The following MARCHF6 variants were observed in gnomAD, a reference collection of about 807,000 sequenced individuals.
The protein encoded by MARCHF6 is membrane associated ring-CH-type finger 6, also known as E3 ubiquitin-protein ligase MARCHF6.
A neutral mutation model predicts 133.7 loss-of-function variants in MARCHF6; 31 were observed. That is an observed-to-expected ratio of 0.23 (90% CI 0.17 to 0.31). The LOEUF (loss-of-function observed/expected upper bound fraction) is 0.31. Among genes scored for constraint, MARCHF6 ranks in the 10% least tolerant of loss-of-function variants. The pLI is 1.00. For missense variants in MARCHF6, 723 were observed against 1,121.6 expected, an observed-to-expected ratio of 0.64 and a Z score of 5.08; for synonymous variants, 395 against 402.5, an observed-to-expected ratio of 0.98 and a Z score of 0.22.
At chr5:10,396,031 G>A (rs1332421118) in intron 9 of MARCHF6, among the ~76,000 whole-genome samples, 1 of 152,174 alleles carries the variant, frequency 6.6e-6, no homozygotes, top group African/African-American at 2.4e-5. Flanking sequence ...TTGAGGTAGT[G>A]GTGGTGACTC....
intron 17 of MARCHF6, among the ~76,000 whole-genome samples, chr5:10,407,676 A>C (rs978656990): frequency 6.6e-6 from 1 of 152,200 alleles, no homozygotes; most frequent in African/African-American, 2.4e-5. Flanking sequence ...GGCTAAGGCC[A>C]GGCGTGGTGG....
intron 11 of MARCHF6, 174 bp downstream of exon 11, chr5:10,401,016 T>C: frequency 1.8e-6 from 1 of 546,346 alleles, no homozygotes; most frequent in Non-Finnish European, 3.2e-6. Context: ...CAAGAGATAG[T>C]GGTCATGTTG....
rs1458946572 is a variant in MARCHF6, at chr5:10,379,884, GC to G, written c.190+1053del. On this transcript the variant is annotated intron_variant, in intron 3 of 25. Transcript: ENST00000274140. ...GCTTCCCAAAGTGTTGGGATTACAGGCTTGAGCCACATTGCTTGGCCAAACA... is the reference window on the plus strand; with the variant it reads ...GCTTCCCAAAGTGTTGGGATTACAGGTTGAGCCACATTGCTTGGCCAAACA... Among the ~76,000 whole-genome samples, 11 of 152,228 alleles carry G rather than the reference GC, an allele frequency of 7.2e-5. No homozygotes were observed. In the East Asian group the frequency reaches 2.1e-3, roughly 29 times the overall value.
At chr5:10,408,854 A>G (rs1347182563) in intron 17 of MARCHF6, among the ~76,000 whole-genome samples, 1 of 152,192 alleles carries the variant, frequency 6.6e-6, no homozygotes, top group African/African-American at 2.4e-5. Context: ...TCCATCCTTT[A>G]AAATTGTCTT....
In MARCHF6 at chr5:10,402,124, A is replaced by G; in HGVS notation, c.1038A>G (p.Thr346=). ...TTGGGTATATACTTTTAGCAATAAC[A>G]CTGATAATTTGTCATGTATCCTTTA... ...TIVGYILLAI[T]LIICHGLATL... is the part of the protein sequence containing the mutation. Residue 346 remains threonine (T), a synonymous_variant, in exon 12 of 26, where the codon ACA becomes ACG. Transcript: ENST00000274140. 1 of 1,602,274 alleles carries G rather than the reference A, an allele frequency of 6.2e-7. No individual in the cohort carries two copies. The highest frequency in any genetic ancestry group is 1.7e-5 in the Admixed American group (1 of 59,384).
At chr5:10,384,230 A>G (rs946118738) in intron 4 of MARCHF6, among the ~76,000 whole-genome samples, 1 of 152,344 alleles carries the variant, frequency 6.6e-6, no homozygotes, top group African/African-American at 2.4e-5. Flanking sequence ...GCATAAAACA[A>G]AATATTAGTA....
At chr5:10,355,738 G>A (rs947688329) in intron 1 of MARCHF6, among the ~76,000 whole-genome samples, 3 of 152,186 alleles carry the variant, frequency 2.0e-5, no homozygotes, top group Admixed American at 6.5e-5. Context: ...TACAGATGAG[G>A]AAACTGATGG....
intron 1 of MARCHF6, among the ~76,000 whole-genome samples, chr5:10,360,144 G>GTTTTTTTTTTT (rs1164778520): frequency 1.3e-5 from 1 of 75,096 alleles, no homozygotes. Context: ...ATGTGTGTGT[G>GTTTTTTTTTTT]TTTTTTTTTT....
chr5:10,395,229 T>C (rs1481250606), intron 9 of MARCHF6, among the ~76,000 whole-genome samples: 1 of 152,242 alleles, frequency 6.6e-6, no homozygotes, highest in Non-Finnish European at 1.5e-5. Flanking sequence ...ATTGTATGTT[T>C]AGTGTGCTGA....
chr5:10,369,614 C>CCCCG (rs1554019317), intron 1 of MARCHF6, among the ~76,000 whole-genome samples: 1 of 8,366 alleles, frequency 1.2e-4, no homozygotes, highest in African/African-American at 2.9e-4. Context: ...CCCCCCCCCC[C>CCCCG]CCTTGCAAAT....
chr5:10,399,572 A>C (rs183571693), intron 10 of MARCHF6, among the ~76,000 whole-genome samples: 3 of 150,364 alleles, frequency 2.0e-5, no homozygotes, highest in Non-Finnish European at 2.9e-5. Flanking sequence ...AAGACTATAA[A>C]AATTCTCTTG....
In MARCHF6 at chr5:10,435,950, G is replaced by T; in HGVS notation, c.*2266G>T. The T allele has an allele frequency of 6.6e-6, 1 of 151,204 alleles. No individual in the cohort carries two copies. The highest frequency in any genetic ancestry group is 2.1e-4 in the South Asian group (1 of 4,780). The allele number at this position is 151,204 out of a possible 1,614,324, so 9.4% of individuals were successfully genotyped here. ...CAGGCTGGTCTCGGAACTCCTGACTGCAGGTGATCCGTCCTCCTTGGGCTC... is the reference window on the plus strand; with the variant it reads ...CAGGCTGGTCTCGGAACTCCTGACTTCAGGTGATCCGTCCTCCTTGGGCTC... On this transcript the variant is annotated 3_prime_UTR_variant, in exon 26 of 26. Coordinates refer to ENST00000274140, the MANE Select transcript of MARCHF6 (RefSeq NM_005885.4).
At chr5:10,414,275 A>T (rs1244871275) in intron 19 of MARCHF6, among the ~76,000 whole-genome samples, 158 bp from the exon 20 acceptor site, 1 of 152,240 alleles carries the variant, frequency 6.6e-6, no homozygotes, top group Non-Finnish European at 1.5e-5. Flanking sequence ...AATCATAGGT[A>T]ATTTTACTGA....
rs1740499470 is a variant in MARCHF6, at chr5:10,434,223, C to T, written c.*539C>T. 1 of 153,688 alleles carries T rather than the reference C, an allele frequency of 6.5e-6. No homozygotes were observed. The highest frequency in any genetic ancestry group is 1.5e-5 in the Non-Finnish European group (1 of 68,766). The allele number at this position is 153,688 out of a possible 1,614,324, so 9.5% of individuals were successfully genotyped here. On this transcript the variant is annotated 3_prime_UTR_variant, in exon 26 of 26. Coordinates refer to ENST00000274140, the MANE Select transcript of MARCHF6 (RefSeq NM_005885.4). ...AGTGTCTGTGGTAAGAAAACATGAA[C>T]TTTATGCTTCACTGTTAGTTGTTTG...
At chr5:10,415,068 CTA>C (rs1358383135) in intron 20 of MARCHF6, among the ~76,000 whole-genome samples, 1 of 152,136 alleles carries the variant, frequency 6.6e-6, no homozygotes, top group Non-Finnish European at 1.5e-5. Context: ...GATAGTTACT[CTA>C]AATTATTTGT....
chr5:10,375,504 G>A (rs990369303), intron 1 of MARCHF6, among the ~76,000 whole-genome samples: 2 of 152,244 alleles, frequency 1.3e-5, no homozygotes, highest in African/African-American at 2.4e-5. Flanking sequence ...GCTCCACGGC[G>A]CCCAGTCCCA....
At chr5:10,396,774 G>A (rs893755152) in intron 9 of MARCHF6, among the ~76,000 whole-genome samples, 1 of 152,150 alleles carries the variant, frequency 6.6e-6, no homozygotes, top group Admixed American at 6.5e-5. Context: ...GACAAAGAAA[G>A]TCAGGGCACC....
intron 15 of MARCHF6, among the ~76,000 whole-genome samples, chr5:10,405,116 A>G (rs1236685088): frequency 6.6e-6 from 1 of 152,186 alleles, no homozygotes; most frequent in Non-Finnish European, 1.5e-5. Context: ...TGGACCACAT[A>G]GAACTAGTAC....
At chr5:10,403,371 G>A (rs942670402) in intron 14 of MARCHF6, 36 bp from the exon 15 acceptor site, 3 of 1,589,156 alleles carry the variant, frequency 1.9e-6, no homozygotes, top group East Asian at 2.2e-5. Context: ...AATGTAGGGG[G>A]CACAGATTTC....
Sources: gnomAD v4.1 joint callset for allele counts (sites outside exome capture counted in the v4.1 genomes callset) on GRCh38, gnomAD v4.1.1 for gene constraint, MANE v1.5 for transcripts, NCBI Gene and HGNC (gene_info 2026-07-23, HGNC 2026-07-21) for gene names.